Variants in DENND4C observed in about 807,000 individuals in gnomAD.
DENND4C encodes DENN domain containing 4C.
A neutral mutation model predicts 203.0 loss-of-function variants in DENND4C; 108 were observed. The observed-to-expected ratio is 0.53, with a 90% CI of 0.46 to 0.62. The LOEUF (loss-of-function observed/expected upper bound fraction) is 0.62, where lower values mean the gene tolerates loss of function less well. Among genes scored for constraint, DENND4C ranks in the 20% least tolerant of loss-of-function variants. The pLI is 0.00. For missense variants in DENND4C, 2,481 were observed against 2,301.2 expected, an observed-to-expected ratio of 1.08 and a Z score of -1.60; for synonymous variants, 871 against 792.4, an observed-to-expected ratio of 1.10 and a Z score of -1.67.
chr9:19,368,765 A>G (rs1647318952), intron 30 of DENND4C, among the ~76,000 whole-genome samples: 1 of 150,374 alleles, frequency 6.7e-6, no homozygotes, highest in Admixed American at 6.6e-5. Context: ...GCACGACTTC[A>G]CTCCAGCCTG....
chr9:19,250,753 G>A (rs1450054685), intron 1 of DENND4C, among the ~76,000 whole-genome samples: 6 of 152,200 alleles, frequency 3.9e-5, no homozygotes, highest in South Asian at 4.1e-4. Flanking sequence ...GAAATCCAGC[G>A]GGGTGGTCAA....
chr9:19,326,965 T>C (rs1339929662), intron 15 of DENND4C, among the ~76,000 whole-genome samples: 1 of 152,086 alleles, frequency 6.6e-6, no homozygotes, highest in Non-Finnish European at 1.5e-5. Flanking sequence ...TATATCTTTG[T>C]TATTTTCTTA....
At chr9:19,326,319 A>ACT in intron 15 of DENND4C, 125 bp downstream of exon 15, 1 of 981,222 alleles carries the variant, frequency 1.0e-6, no homozygotes, top group Non-Finnish European at 1.4e-6. Context: ...GAACTAATGT[A>ACT]GATAAATATT....
At chr9:19,314,331 G>A (rs895410983) in intron 10 of DENND4C, among the ~76,000 whole-genome samples, 3 of 151,330 alleles carry the variant, frequency 2.0e-5, no homozygotes, top group Non-Finnish European at 4.4e-5. Context: ...CCACACGCCT[G>A]TAGTCCCAGC....
chr9:19,296,387 T>A, intron 6 of DENND4C, 141 bp downstream of exon 6: 1 of 605,990 alleles, frequency 1.7e-6, no homozygotes, highest in South Asian at 2.0e-5. Context: ...TTTTTTGAGA[T>A]GGAGTATTGC....
At chr9:19,267,992 C>G (rs7020348) in intron 1 of DENND4C, among the ~76,000 whole-genome samples, 3,196 of 151,960 alleles carry the variant, frequency 0.021, 122 homozygotes, top group African/African-American at 0.073. Flanking sequence ...TTCTGGTCTT[C>G]TTTTCCTTCC....
Position 19,324,420 on chromosome 9 carries a change from A to G in DENND4C, c.1866A>G (p.Thr622=), listed in dbSNP as rs1843382292. ...YAKFYTLLSK[T]QIFIRFIEEC... Reference sequence around the variant, plus strand: ...AATTCTATACCCTTTTATCCAAAACACAGATTTTTATTCGTTTCATTGAAG... The same window carrying G: ...AATTCTATACCCTTTTATCCAAAACGCAGATTTTTATTCGTTTCATTGAAG... The change falls in exon 13 of 33, where the codon ACA becomes ACG. Residue 622 remains threonine, a synonymous_variant. Transcript: ENST00000434457. 1 of 1,612,946 alleles carries G rather than the reference A, an allele frequency of 6.2e-7. No individual in the cohort carries two copies. Among genetic ancestry groups the G allele is most frequent in the South Asian group, 1.1e-5 (1 of 90,906 alleles).
chr9:19,236,019 G>A (rs1370509553), intron 1 of DENND4C, among the ~76,000 whole-genome samples: 1 of 149,692 alleles, frequency 6.7e-6, no homozygotes, highest in African/African-American at 2.5e-5. Flanking sequence ...CATTTTATTA[G>A]CCAGGAGATA....
chr9:19,272,998 GA>G (rs1832078632), intron 1 of DENND4C, among the ~76,000 whole-genome samples: 1 of 146,630 alleles, frequency 6.8e-6, no homozygotes, highest in Non-Finnish European at 1.5e-5. Flanking sequence ...ACCCAGGCTG[GA>G]GTGCAGTGGC....
At chr9:19,270,239 A>T (rs540967708) in intron 1 of DENND4C, among the ~76,000 whole-genome samples, 154 of 152,246 alleles carry the variant, frequency 1.0e-3, no homozygotes, top group Non-Finnish European at 1.9e-3. Context: ...ACTGAGTCTC[A>T]TCAGTACAGT....
Position 19,357,935 on chromosome 9 carries a change from C to T in DENND4C, c.4965-30C>T, listed in dbSNP as rs767196193. 13 of 1,522,970 alleles carry T rather than the reference C, an allele frequency of 8.5e-6. No homozygotes were observed. In the South Asian group the frequency reaches 1.6e-4, roughly 18 times the overall value. The allele number at this position is 1,522,970 out of a possible 1,614,324, so 94.3% of individuals were successfully genotyped here. A position where few individuals can be genotyped will look rare whatever the true frequency, so the allele number is the denominator to read the frequency against. ...GATTTAGACTGTTTTTCAACATGAA[C>T]ATAGCATTTCTTCTATATTTATTTT... On this transcript the variant is annotated intron_variant, in intron 27 of 32. Coordinates refer to ENST00000434457, the MANE Select transcript of DENND4C (RefSeq NM_001330640.2).
chr9:19,350,811 C>G lies in DENND4C; in HGVS notation c.4427C>G (p.Thr1476Ser). The G allele has an allele frequency of 6.2e-7, 1 of 1,613,914 alleles. No homozygotes were observed. The highest frequency in any genetic ancestry group is 8.5e-7 in the Non-Finnish European group (1 of 1,179,988). Residue 1476 changes from threonine to serine, a missense_variant, in exon 24 of 33, where the codon ACC becomes AGC. This residue lies in a region of DENND4C where 2,289 missense variants were observed against 2,113.3 expected (regional missense o/e 1.08). Transcript: ENST00000434457. ...TCAGGGTTGGTCCCCAGTGAACTTA[C>G]CCAGAGCAACACAAGTCTTGGCAGT... ...SISGLVPSEL[T>S]QSNTSLGSSS...
At chr9:19,253,727 A>T (rs1281319807) in intron 1 of DENND4C, among the ~76,000 whole-genome samples, 2 of 152,100 alleles carry the variant, frequency 1.3e-5, no homozygotes, top group Non-Finnish European at 2.9e-5. Flanking sequence ...AGTTTTTTTT[A>T]TCTTTTTTTT....
chr9:19,360,595 T>C, intron 29 of DENND4C, 106 bp downstream of exon 29: 1 of 1,422,970 alleles, frequency 7.0e-7, no homozygotes, highest in Admixed American at 2.2e-5. Context: ...CAGATTTATT[T>C]CTCTCTCACT....
At chr9:19,237,150 A>G (rs7019297) in intron 1 of DENND4C, among the ~76,000 whole-genome samples, 5,311 of 151,758 alleles carry the variant, frequency 0.035, 316 homozygotes, top group African/African-American at 0.12. Context: ...CTTCCTGAGT[A>G]GCTGGGATTA....
chr9:19,253,317 A>G (rs1417365852), intron 1 of DENND4C, among the ~76,000 whole-genome samples: 2 of 152,202 alleles, frequency 1.3e-5, no homozygotes, highest in East Asian at 3.9e-4. Context: ...ACAACTCTTA[A>G]TATCATGCCC....
chr9:19,361,986 C>T (rs762917302), intron 30 of DENND4C, 23 bp downstream of exon 30: 9 of 1,459,830 alleles, frequency 6.2e-6, no homozygotes, highest in Non-Finnish European at 8.6e-6. Context: ...GAATTAAAGA[C>T]ATAACAGCCA....
chr9:19,287,490 C>T (rs1275100764), intron 3 of DENND4C, among the ~76,000 whole-genome samples: 3 of 151,338 alleles, frequency 2.0e-5, no homozygotes, highest in Admixed American at 2.0e-4. Flanking sequence ...AAGTGATCTT[C>T]CCACCTTAGC....
chr9:19,261,331 C>G (rs1429756416), intron 1 of DENND4C, among the ~76,000 whole-genome samples: 3 of 151,708 alleles, frequency 2.0e-5, no homozygotes, highest in African/African-American at 4.8e-5. Context: ...ATAGCTTTGA[C>G]TATTCTGGGT....
Sources: gnomAD v4.1 joint callset for allele counts (sites outside exome capture counted in the v4.1 genomes callset) on GRCh38, gnomAD v4.1.1 for gene constraint, gnomAD v4.1.1 regional missense constraint, MANE v1.5 for transcripts, NCBI Gene and HGNC (gene_info 2026-07-23, HGNC 2026-07-21) for gene names.